CSDE1: variants seen among roughly 807,000 people sequenced by gnomAD.
CSDE1 encodes cold shock domain containing E1.
A neutral mutation model predicts 89.3 loss-of-function variants in CSDE1; 17 were observed. The ratio of observed to expected loss-of-function variants is 0.19; its 90% confidence interval spans 0.13 to 0.29. CSDE1 has a LOEUF of 0.29. CSDE1 is among the 10% of genes least tolerant of loss of function. The pLI, the probability that CSDE1 is intolerant of heterozygous loss-of-function variation, is 1.00. For missense variants in CSDE1, 672 were observed against 984.2 expected, an observed-to-expected ratio of 0.68 and a Z score of 4.24; for synonymous variants, 322 against 332.8, an observed-to-expected ratio of 0.97 and a Z score of 0.35.
chr1:114,741,089 C>G (rs989023346), intron 2 of CSDE1, among the ~76,000 whole-genome samples: 1 of 152,132 alleles, frequency 6.6e-6, no homozygotes, highest in African/African-American at 2.4e-5. Context: ...CATATATTAA[C>G]TCATTTAACT....
At chr1:114,719,030 T>C in intron 18 of CSDE1, 1 of 344,374 alleles carries the variant, frequency 2.9e-6, no homozygotes, top group Non-Finnish European at 5.3e-6. Flanking sequence ...AAAAACAAGG[T>C]AGCAGATGTG....
chr1:114,726,608 G>C (rs1365998780), intron 13 of CSDE1, among the ~76,000 whole-genome samples: 1 of 152,172 alleles, frequency 6.6e-6, no homozygotes, highest in Non-Finnish European at 1.5e-5. Context: ...TATAGATTCT[G>C]AATTTCTCTA....
intron 1 of CSDE1, among the ~76,000 whole-genome samples, chr1:114,751,045 G>A (rs1236682744): frequency 6.6e-6 from 1 of 152,182 alleles, no homozygotes; most frequent in Non-Finnish European, 1.5e-5. Context: ...GTGTAGCGGA[G>A]CCCGATTATG....
At position 114,730,280 on chromosome 1, in the gene CSDE1, C is replaced by T. The variant is rs767985022; in HGVS notation, c.1334G>A (p.Ser445Asn). The change falls in exon 12 of 20, where the codon AGC becomes AAC. Residue 445 changes from serine to asparagine, a missense_variant. Physicochemically the swap from Ser to Asn is conservative, Grantham distance 46 (BLOSUM62 1). Coordinates refer to ENST00000358528, the MANE Select transcript of CSDE1 (RefSeq NM_001007553.3). ...EATFSNPKTT[S>N]PNKGKEKEAE... Reference sequence around the variant, plus strand: ...TACCTTCTCTTTGCCTTTATTTGGGCTAGTGGTTTTAGGATTGGAAAAAGT... The same window carrying T: ...TACCTTCTCTTTGCCTTTATTTGGGTTAGTGGTTTTAGGATTGGAAAAAGT... 1 of 1,613,608 alleles carries T rather than the reference C, an allele frequency of 6.2e-7. No individual in the cohort carries two copies. The highest frequency in any genetic ancestry group is 1.3e-5 in the African/African-American group (1 of 74,874).
At chr1:114,740,857 T>C (rs1660687596) in intron 2 of CSDE1, among the ~76,000 whole-genome samples, 1 of 152,204 alleles carries the variant, frequency 6.6e-6, no homozygotes, top group Non-Finnish European at 1.5e-5. Flanking sequence ...ACCCTTTCAC[T>C]GAAAATCTGA....
chr1:114,720,763 C>T (rs778405285), intron 16 of CSDE1, 46 bp from the exon 17 acceptor site: 116 of 1,566,094 alleles, frequency 7.4e-5, no homozygotes, highest in Admixed American at 2.6e-4. Context: ...TCACAACAGT[C>T]CTCTGCTGAT....
chr1:114,725,145 C>A, intron 15 of CSDE1, 76 bp downstream of exon 15: 1 of 1,094,978 alleles, frequency 9.1e-7, no homozygotes, highest in Non-Finnish European at 1.4e-6. Flanking sequence ...ATAATTAGGC[C>A]TCATCTCCCT....
intron 9 of CSDE1, 44 bp from the exon 10 acceptor site, chr1:114,732,860 T>C (rs748559024): frequency 1.3e-6 from 2 of 1,486,792 alleles, no homozygotes; most frequent in Non-Finnish European, 1.9e-6. Context: ...TTTCTCATCC[T>C]TCCTAGTTCT....
chr1:114,730,283 G>C lies in CSDE1; in HGVS notation c.1331C>G (p.Thr444Ser), dbSNP rs1660029951. Residue 444 changes from threonine to serine, a missense_variant, in exon 12 of 20, where the codon ACT becomes AGT. Around this residue, in one of 8 missense-constraint regions of CSDE1, gnomAD observed 108 missense variants for 105.0 expected, o/e 1.03. Coordinates refer to ENST00000358528, the MANE Select transcript of CSDE1 (RefSeq NM_001007553.3). ...KEATFSNPKT[T>S]SPNKGKEKEA... is the part of the protein sequence containing the mutation. The stretch of plus-strand genomic sequence containing the variant: ...CTTCTCTTTGCCTTTATTTGGGCTA[G>C]TGGTTTTAGGATTGGAAAAAGTGGC... 3.1e-6 allele frequency: 5 copies of C among 1,613,904 alleles called. No homozygotes were observed. The highest frequency in any genetic ancestry group is 4.2e-6 in the Non-Finnish European group (5 of 1,179,970).
chr1:114,723,898 C>T lies in CSDE1; in HGVS notation c.1858G>A (p.Glu620Lys), dbSNP rs1185325099. Residue 620 changes from glutamate to lysine, a missense_variant, in exon 16 of 20, where the codon GAG (glutamate) becomes AAG (lysine). Around this residue, in one of 8 missense-constraint regions of CSDE1, gnomAD observed 206 missense variants for 332.4 expected, o/e 0.62. Coordinates refer to ENST00000358528, the MANE Select transcript of CSDE1 (RefSeq NM_001007553.3). ...TGATCCTTACCCTCCTCCACAATCTCAATCATTCCTTGGTACTCAGTCTGT... is the reference window on the plus strand; with the variant it reads ...TGATCCTTACCCTCCTCCACAATCTTAATCATTCCTTGGTACTCAGTCTGT... ...PTQTEYQGMI[E>K]IVEEGDMKGE... The T allele has an allele frequency of 6.2e-7, 1 of 1,614,004 alleles. No homozygotes were observed. Among genetic ancestry groups the T allele is most frequent in the South Asian group, 1.1e-5 (1 of 91,072 alleles).
At chr1:114,729,481 C>A (rs1014588363) in intron 12 of CSDE1, among the ~76,000 whole-genome samples, 3 of 147,838 alleles carry the variant, frequency 2.0e-5, no homozygotes, top group Non-Finnish European at 4.4e-5. Context: ...TTTCTCCTAA[C>A]CTCCCTCACC....
At chr1:114,751,775 A>G (rs576628377) in intron 1 of CSDE1, among the ~76,000 whole-genome samples, 1 of 151,746 alleles carries the variant, frequency 6.6e-6, no homozygotes, top group Admixed American at 6.6e-5. Flanking sequence ...CCACTTCTTT[A>G]ACTATCTTGA....
chr1:114,719,549 T>A (rs1293239682), intron 18 of CSDE1, 30 bp downstream of exon 18: 1 of 1,605,974 alleles, frequency 6.2e-7, no homozygotes, highest in South Asian at 1.1e-5. Context: ...CCAGGGTAGT[T>A]ACTAATCAAA....
rs1333269694 is a variant in CSDE1 at position 114,717,603 on chromosome 1, A to G, written c.*566T>C. On this transcript the variant is annotated 3_prime_UTR_variant, in exon 20 of 20. Transcript: ENST00000358528. ...GACAAGATTATAAATGATATGAAAA[A>G]TAACATTTTAAAATTTGGCCATCAA... 1 of 152,658 alleles carries G rather than the reference A, an allele frequency of 6.6e-6. No homozygotes were observed. The allele number at this position is 152,658 out of a possible 1,614,324, so 9.5% of individuals were successfully genotyped here.
intron 12 of CSDE1, among the ~76,000 whole-genome samples, chr1:114,729,265 A>AT (rs1275935100): frequency 6.6e-6 from 1 of 151,610 alleles, no homozygotes; most frequent in Non-Finnish European, 1.5e-5. Flanking sequence ...TGCCCGGCTA[A>AT]TTTTTTTGTA....
chr1:114,729,025 T>C (rs1427037990), intron 12 of CSDE1, among the ~76,000 whole-genome samples: 1 of 152,194 alleles, frequency 6.6e-6, no homozygotes, highest in Non-Finnish European at 1.5e-5. Context: ...TTCATATTGC[T>C]GCCATTACTC....
Position 114,730,254 on chromosome 1 carries a change from C to A in CSDE1, c.1356+4G>T. Reference sequence around the variant, plus strand: ...AAAAATCATTTGGATTATGCAAAACCTACCTTCTCTTTGCCTTTATTTGGG... The same window carrying A: ...AAAAATCATTTGGATTATGCAAAACATACCTTCTCTTTGCCTTTATTTGGG... On this transcript the variant is annotated splice_donor_region_variant and intron_variant, in intron 12 of 19. Transcript: ENST00000358528. 1 of 1,612,242 alleles carries A rather than the reference C, an allele frequency of 6.2e-7. No individual in the cohort carries two copies. The highest frequency in any genetic ancestry group is 1.1e-5 in the South Asian group (1 of 90,616).
In CSDE1 at chr1:114,718,185, G is replaced by A; in HGVS notation, c.2381C>T (p.Ala794Val). ...TGGATGTGGTTAGTCAATGACACCA[G>A]CTTGACGGATCTTTCTTTCTGCACC... ...GFGAERKIRQ[A>V]GVID The change falls in exon 20 of 20, where the codon GCT becomes GTT. Residue 794 changes from alanine (A) to valine (V), a missense_variant. Around this residue, in one of 8 missense-constraint regions of CSDE1, gnomAD observed 206 missense variants for 332.4 expected, o/e 0.62. Transcript: ENST00000358528. 6.2e-7 allele frequency: 1 copy of A among 1,613,936 alleles called. No individual in the cohort carries two copies. Among genetic ancestry groups the A allele is most frequent in the Non-Finnish European group, 8.5e-7 (1 of 1,179,978 alleles).
At chr1:114,755,024 G>A (rs1661514647) in intron 1 of CSDE1, among the ~76,000 whole-genome samples, 1 of 152,196 alleles carries the variant, frequency 6.6e-6, no homozygotes, top group African/African-American at 2.4e-5. Flanking sequence ...AAAAGAAACA[G>A]AAGGAATTTT....
Sources: allele counts gnomAD v4.1 joint callset (sites outside exome capture counted in the v4.1 genomes callset), GRCh38; gene constraint gnomAD v4.1.1; regional missense constraint gnomAD v4.1.1; transcripts MANE v1.5; gene names NCBI Gene and HGNC (gene_info 2026-07-23, HGNC 2026-07-21).